OVCH1: variants seen among roughly 807,000 people sequenced by gnomAD.
OVCH1 encodes ovochymase-1.
Under a neutral mutation model 138.4 loss-of-function variants are expected in OVCH1, and 139 were observed. The ratio of observed to expected loss-of-function variants is 1.00; its 90% CI spans 0.87 to 1.16. OVCH1 has a LOEUF of 1.16. Ranked by LOEUF, OVCH1 falls within the 50% of genes most tolerant of loss-of-function variation. The pLI, the probability that OVCH1 is intolerant of heterozygous loss-of-function variation, is 0.00. For missense variants in OVCH1, 1,367 were observed against 1,357.9 expected (o/e 1.01, Z -0.11); for synonymous variants, 453 against 467.8 (o/e 0.97, Z 0.41).
At chr12:29,453,087 C>T (rs1284347335) in intron 21 of OVCH1, among the ~76,000 whole-genome samples, 1 of 152,156 alleles carries the variant, frequency 6.6e-6, no homozygotes. Flanking sequence ...CAGACCCTTC[C>T]TGTTATAAAT....
chr12:29,472,023 A>C (rs1942528996), intron 15 of OVCH1, 41 bp from the exon 16 acceptor site: 11 of 1,541,270 alleles, frequency 7.1e-6, no homozygotes, highest in Non-Finnish European at 8.8e-6. Flanking sequence ...AGGTTGCAGT[A>C]ATTTAGAACA....
intron 13 of OVCH1, 42 bp from the exon 14 acceptor site, chr12:29,475,231 TA>T (rs763834986): frequency 5.9e-6 from 8 of 1,351,540 alleles, no homozygotes; most frequent in Middle Eastern, 2.7e-4. Flanking sequence ...GTTATATTTT[TA>T]AAAAATCAGA....
At chr12:29,419,374 G>A (rs1034403048) in intron 3 of OVCH1, among the ~76,000 whole-genome samples, 4 of 150,908 alleles carry the variant, frequency 2.7e-5, no homozygotes, top group African/African-American at 9.8e-5. Context: ...TGCAAGCTCC[G>A]CCTCCCAGGT....
chr12:29,405,974 C>T, the OVCH1 span, among the ~76,000 whole-genome samples: 2 of 152,172 alleles, frequency 1.3e-5, no homozygotes, highest in South Asian at 4.1e-4. Context: ...CATGGGTTGA[C>T]CTTCACATGG....
chr12:29,449,282 C>T (rs1379259111), intron 22 of OVCH1, among the ~76,000 whole-genome samples: 1 of 117,682 alleles, frequency 8.5e-6, no homozygotes, highest in Non-Finnish European at 1.7e-5. Flanking sequence ...TCCCTACACA[C>T]ACACACACAC....
exon 26 of OVCH1, chr12:29,439,431 G>A (rs764152290): frequency 2.0e-5 from 30 of 1,495,538 alleles, no homozygotes; most frequent in Middle Eastern, 1.8e-4. Context: ...TCCAGCGAAT[G>A]AAGCTAAGAT....
At chr12:29,424,232 T>C (rs1185518151), downstream of OVCH1, among the ~76,000 whole-genome samples, 3 of 152,266 alleles carry the variant, frequency 2.0e-5, no homozygotes, top group Non-Finnish European at 2.9e-5. Context: ...TTGGCTAGTA[T>C]CTGCAGCAGG....
downstream of OVCH1, among the ~76,000 whole-genome samples, chr12:29,427,275 T>C (rs953126083): frequency 1.3e-5 from 2 of 152,152 alleles, no homozygotes; most frequent in South Asian, 2.1e-4. Context: ...ATATTTTCTG[T>C]CAAGCAGTGC....
At chr12:29,410,125 T>C (rs928676034), downstream of OVCH1, among the ~76,000 whole-genome samples, 2 of 151,346 alleles carry the variant, frequency 1.3e-5, no homozygotes, top group Non-Finnish European at 3.0e-5. Context: ...AGACTAGGAT[T>C]GCAACCCCTG....
At chr12:29,496,234 C>G in exon 3 of OVCH1, 1 of 1,609,534 alleles carries the variant, frequency 6.2e-7, no homozygotes, top group Non-Finnish European at 8.5e-7. Context: ...CTTCTTGAAT[C>G]AAGCTTCCTC....
chr12:29,402,291 G>A, the OVCH1 span, among the ~76,000 whole-genome samples: 1 of 152,136 alleles, frequency 6.6e-6, no homozygotes. Context: ...AATCCCTATT[G>A]CAAATCTCAT....
chr12:29,431,471 A>G (rs1297709654), intron 27 of OVCH1, among the ~76,000 whole-genome samples: 1 of 152,120 alleles, frequency 6.6e-6, no homozygotes, highest in Non-Finnish European at 1.5e-5. Flanking sequence ...CCTTTAAGCA[A>G]CCAATATTCA....
chr12:29,452,221 A>G (rs1357822719), intron 21 of OVCH1, among the ~76,000 whole-genome samples: 1 of 152,152 alleles, frequency 6.6e-6, no homozygotes, highest in East Asian at 1.9e-4. Flanking sequence ...GAAATATTCT[A>G]TATTCATATT....
At chr12:29,465,257 C>A in intron 16 of OVCH1, 38 bp from the exon 17 acceptor site, 1 of 1,526,264 alleles carries the variant, frequency 6.6e-7, no homozygotes, top group Non-Finnish European at 8.9e-7. Flanking sequence ...GACATGAAAA[C>A]ACATTTGTAT....
chr12:29,416,847 G>A (rs1290133988), intron 3 of OVCH1, among the ~76,000 whole-genome samples: 2 of 152,108 alleles, frequency 1.3e-5, no homozygotes, highest in African/African-American at 4.8e-5. Context: ...ACAAAAACTT[G>A]TACACAAATT....
intron 17 of OVCH1, 120 bp downstream of exon 17, chr12:29,465,027 A>G: frequency 3.5e-6 from 3 of 845,898 alleles, no homozygotes; most frequent in African/African-American, 1.7e-5. Flanking sequence ...GGTATAAATA[A>G]TAAGTGTGAA....
chr12:29,457,767 GAC>G (rs1282796897), intron 19 of OVCH1, among the ~76,000 whole-genome samples: 1 of 152,084 alleles, frequency 6.6e-6, no homozygotes, highest in Non-Finnish European at 1.5e-5. Context: ...TACCGAGTAA[GAC>G]AGAGTATAAA....
intron 27 of OVCH1, among the ~76,000 whole-genome samples, chr12:29,433,446 T>C (rs187793907): frequency 1.5e-3 from 227 of 152,360 alleles, no homozygotes; most frequent in African/African-American, 5.4e-3. Flanking sequence ...TGTGTGGAAC[T>C]GTGAGTCCAT....
chr12:29,417,079 G>T (rs1226417362), intron 3 of OVCH1, among the ~76,000 whole-genome samples: 2 of 152,102 alleles, frequency 1.3e-5, no homozygotes, highest in African/African-American at 4.8e-5. Flanking sequence ...ATCCCAAAAG[G>T]TTACATACTA....
Sources: allele counts gnomAD v4.1 joint callset (sites outside exome capture counted in the v4.1 genomes callset), GRCh38; gene constraint gnomAD v4.1.1; transcripts MANE v1.5; gene names NCBI Gene and HGNC (gene_info 2026-07-23, HGNC 2026-07-21).